SAMD3: variants seen among roughly 807,000 people sequenced by gnomAD.
SAMD3 encodes sterile alpha motif domain-containing protein 3.
A neutral mutation model predicts 58.5 loss-of-function variants in SAMD3; 63 were observed. The ratio of observed to expected loss-of-function variants is 1.08; its 90% CI spans 0.88 to 1.33. The LOEUF is 1.33. SAMD3 is among the 40% of genes most tolerant of loss of function. SAMD3 has a pLI of 0.00. For missense variants in SAMD3, 604 were observed against 608.4 expected, an observed-to-expected ratio of 0.99 and a Z score of 0.08; for synonymous variants, 220 against 210.3, an observed-to-expected ratio of 1.05 and a Z score of -0.40.
chr6:130,219,650 C>T (rs1401997761), intron 1 of SAMD3, among the ~76,000 whole-genome samples: 3 of 152,166 alleles, frequency 2.0e-5, no homozygotes, highest in African/African-American at 4.8e-5. Flanking sequence ...CAGGTCACTG[C>T]GAATGCCATT....
intron 2 of SAMD3, among the ~76,000 whole-genome samples, chr6:130,281,861 C>T (rs1218891742): frequency 4.6e-5 from 7 of 150,986 alleles, no homozygotes; most frequent in South Asian, 2.1e-4. Flanking sequence ...TGCAGTGAGC[C>T]GAGATCGTGT....
intron 2 of SAMD3, among the ~76,000 whole-genome samples, chr6:130,259,866 C>T (rs1774061534): frequency 6.6e-6 from 1 of 152,176 alleles, no homozygotes; most frequent in Admixed American, 6.5e-5. Context: ...ACTTAATCCA[C>T]TGAAATTGTT....
chr6:130,193,256 C>T (rs1326852179), intron 5 of SAMD3, among the ~76,000 whole-genome samples: 1 of 151,334 alleles, frequency 6.6e-6, no homozygotes, highest in Admixed American at 6.6e-5. Context: ...GGGCAAGAAA[C>T]CCCCAACCCC....
intron 2 of SAMD3, among the ~76,000 whole-genome samples, chr6:130,261,736 T>C (rs951976922): frequency 6.6e-6 from 1 of 152,138 alleles, no homozygotes; most frequent in Non-Finnish European, 1.5e-5. Context: ...ACTTAAAACT[T>C]TGTGTAAAAT....
chr6:130,352,236 T>A (rs2115037186), intron 1 of SAMD3, among the ~76,000 whole-genome samples: 1 of 152,114 alleles, frequency 6.6e-6, no homozygotes, highest in Non-Finnish European at 1.5e-5. Flanking sequence ...AAATTAAAAA[T>A]TAATATGGTT....
At chr6:130,229,700 C>A (rs1796487207) in intron 2 of SAMD3, among the ~76,000 whole-genome samples, 1 of 152,142 alleles carries the variant, frequency 6.6e-6, no homozygotes, top group African/African-American at 2.4e-5. Context: ...TGTGTTTTCC[C>A]CCATTAGACT....
In SAMD3 at chr6:130,144,650, A is replaced by C; in HGVS notation, c.1433T>G (p.Ile478Ser). 2 of 1,614,142 alleles carry C rather than the reference A, an allele frequency of 1.2e-6. No individual in the cohort carries two copies. The highest frequency in any genetic ancestry group is 2.7e-5 in the African/African-American group (2 of 75,036). ...TTGGGACAGTCTTCTTGGACACTCAATCCTAAATACATGAAAGGCAGCTAC... is the reference window on the plus strand; with the variant it reads ...TTGGGACAGTCTTCTTGGACACTCACTCCTAAATACATGAAAGGCAGCTAC... ...ALVAAFHVFRIECPRRLSQTF... is the reference protein window; with the variant it reads ...ALVAAFHVFRSECPRRLSQTF... Residue 478 changes from isoleucine to serine, a missense_variant, in exon 12 of 12, where the codon ATT becomes AGT. Ile to Ser is a moderately radical substitution (Grantham distance 142). Coordinates refer to ENST00000439090, the MANE Select transcript of SAMD3 (RefSeq NM_001017373.4).
In SAMD3 at chr6:130,146,086, AAAAG is replaced by A. The variant is rs1446960011; in HGVS notation, c.1115_1118del (p.Ser372PhefsTer16). 3.1e-6 allele frequency: 5 copies of A among 1,601,658 alleles called. No homozygotes were observed. The highest frequency in any genetic ancestry group is 2.3e-5 in the South Asian group (2 of 88,822). On this transcript the variant is annotated frameshift_variant, in exon 10 of 12. Coordinates refer to ENST00000439090, the MANE Select transcript of SAMD3 (RefSeq NM_001017373.4). LOFTEE classifies it high-confidence loss of function. The stretch of plus-strand genomic sequence containing the variant: ...TATTGATTGGATTGTCCACCACTGA[AAAAG>A]AAGTCAGTATATTTTCTGAATAGGA...
intron 5 of SAMD3, among the ~76,000 whole-genome samples, chr6:130,207,392 G>A (rs1354587024): frequency 1.3e-5 from 2 of 152,022 alleles, no homozygotes. Context: ...ACAACACCAT[G>A]AGAAAGTATC....
At chr6:130,314,780 T>G (rs1365564005) in intron 1 of SAMD3, among the ~76,000 whole-genome samples, 1 of 152,142 alleles carries the variant, frequency 6.6e-6, no homozygotes, top group African/African-American at 2.4e-5. Flanking sequence ...AAAAACATAA[T>G]AGATAAAATA....
rs535374820 is a variant in SAMD3, at chr6:130,154,915, T to G, written c.933A>C (p.Gln311His). Residue 311 changes from glutamine (Q) to histidine (H), a missense_variant, in exon 9 of 12, where the codon CAA (glutamine) becomes CAC (histidine). By Grantham distance (24) the Gln-to-His change is conservative. Transcript: ENST00000439090. ...DWREIDKRMS[Q>H]TLEIRRKMIG... ...TCATCTTTCTTCTTATTTCCAAAGT[T>G]TGGCTCATTCTCTTGTCAATTTCTC... 4.3e-4 allele frequency: 691 copies of G among 1,613,576 alleles called. 10 individuals carry two copies. The South Asian group carries it at 7.0e-3, about 16-fold the overall frequency.
intron 2 of SAMD3, among the ~76,000 whole-genome samples, chr6:130,263,537 G>A (rs1311127597): frequency 9.2e-5 from 14 of 152,114 alleles, no homozygotes; most frequent in Admixed American, 9.2e-4. Flanking sequence ...CTCCAGAGTC[G>A]TGGGCCATAG....
At chr6:130,187,013 G>A (rs1246679458) in intron 5 of SAMD3, among the ~76,000 whole-genome samples, 1 of 151,692 alleles carries the variant, frequency 6.6e-6, no homozygotes, top group Non-Finnish European at 1.5e-5. Flanking sequence ...CTTGTGATCT[G>A]CCCACCTTGG....
At chr6:130,254,977 A>G (rs1013206786) in intron 2 of SAMD3, among the ~76,000 whole-genome samples, 1 of 152,096 alleles carries the variant, frequency 6.6e-6, no homozygotes, top group African/African-American at 2.4e-5. Context: ...GTGGCATTTC[A>G]TAAGTTTTGG....
At chr6:130,278,280 C>T (rs1029197816) in intron 2 of SAMD3, among the ~76,000 whole-genome samples, 1 of 152,144 alleles carries the variant, frequency 6.6e-6, no homozygotes, top group African/African-American at 2.4e-5. Flanking sequence ...CTGGCCCCAC[C>T]ACCTACCAAA....
At chr6:130,152,904 C>T (rs964211743) in intron 9 of SAMD3, among the ~76,000 whole-genome samples, 2 of 152,172 alleles carry the variant, frequency 1.3e-5, no homozygotes, top group Non-Finnish European at 2.9e-5. Flanking sequence ...AGACCTCCAC[C>T]TTACTGTCAC....
intron 2 of SAMD3, among the ~76,000 whole-genome samples, chr6:130,234,825 A>G (rs1184013056): frequency 2.6e-5 from 4 of 152,210 alleles, no homozygotes; most frequent in African/African-American, 9.6e-5. Flanking sequence ...TACACAATAA[A>G]CTTTAAAAGG....
intron 2 of SAMD3, among the ~76,000 whole-genome samples, chr6:130,242,691 C>A (rs1773403462): frequency 6.6e-6 from 1 of 152,194 alleles, no homozygotes; most frequent in South Asian, 2.1e-4. Flanking sequence ...AAAATAATAT[C>A]CAGAGCTGGC....
intron 7 of SAMD3, among the ~76,000 whole-genome samples, chr6:130,182,432 G>C (rs1429901374): frequency 6.6e-6 from 1 of 151,812 alleles, no homozygotes; most frequent in African/African-American, 2.4e-5. Context: ...CAGTCTGAGT[G>C]GTGAAAAAAA....
Sources: gnomAD v4.1 joint callset for allele counts (sites outside exome capture counted in the v4.1 genomes callset) on GRCh38, gnomAD v4.1.1 for gene constraint, MANE v1.5 for transcripts, NCBI Gene and HGNC (gene_info 2026-07-23, HGNC 2026-07-21) for gene names.